Variants in NDST4 observed in about 807,000 individuals in gnomAD.
NDST4 encodes N-deacetylase and N-sulfotransferase 4.
In NDST4, 63 loss-of-function variants were observed where a neutral mutation model predicts 100.8. That is an observed-to-expected ratio of 0.62 (90% CI 0.51 to 0.77). NDST4 has a LOEUF of 0.77. Ranked by LOEUF, NDST4 falls within the 30% of genes least tolerant of loss-of-function variation. The pLI is 0.00. For missense variants in NDST4, 943 were observed against 1,018.4 expected, an observed-to-expected ratio of 0.93 and a Z score of 1.01; for synonymous variants, 377 against 361.8, an observed-to-expected ratio of 1.04 and a Z score of -0.48.
Position 114,988,538 on chromosome 4 carries a change from T to A in NDST4, c.979-11264A>T, listed in dbSNP as rs567451972. Among the ~76,000 whole-genome samples, 353 of 151,712 alleles carry A rather than the reference T, an allele frequency of 2.3e-3. 1 individual carries two copies. The highest frequency in any genetic ancestry group is 8.1e-3 in the African/African-American group (337 of 41,354). The stretch of plus-strand genomic sequence containing the variant: ...CACCACGCCTGGCTAATTTTTTGTA[T>A]TTTTAGTAGAGATGGGGTTTCACTG... On this transcript the variant is annotated intron_variant, in intron 2 of 13. Transcript: ENST00000264363.
At chr4:114,982,466 G>C (rs181196390) in intron 2 of NDST4, among the ~76,000 whole-genome samples, 14 of 152,276 alleles carry the variant, frequency 9.2e-5, no homozygotes, top group Admixed American at 6.5e-4. Context: ...TTGAACTTGA[G>C]AGAGATGATC....
chr4:115,025,803 G>T (rs1232760968), intron 2 of NDST4, among the ~76,000 whole-genome samples: 1 of 152,084 alleles, frequency 6.6e-6, no homozygotes, highest in Non-Finnish European at 1.5e-5. Flanking sequence ...GAAATACAAA[G>T]ATATATTTTT....
At chr4:114,895,643 G>A (rs1724697617) in intron 6 of NDST4, among the ~76,000 whole-genome samples, 1 of 151,876 alleles carries the variant, frequency 6.6e-6, no homozygotes, top group African/African-American at 2.4e-5. Context: ...TTAGAAGCCA[G>A]CATCATCCTG....
chr4:114,963,588 A>G (rs1357357609), intron 4 of NDST4, among the ~76,000 whole-genome samples: 1 of 152,206 alleles, frequency 6.6e-6, no homozygotes, highest in African/African-American at 2.4e-5. Flanking sequence ...GTTAATACCA[A>G]TATCAATAAA....
chr4:115,055,109 G>T (rs778776060), intron 2 of NDST4, among the ~76,000 whole-genome samples: 8 of 152,082 alleles, frequency 5.3e-5, no homozygotes, highest in Non-Finnish European at 8.8e-5. Flanking sequence ...AACTGTATAT[G>T]CGAAGAATCT....
chr4:115,008,603 C>A (rs11735531), intron 2 of NDST4, among the ~76,000 whole-genome samples: 23,259 of 127,792 alleles, frequency 0.18, 6,830 homozygotes, highest in Non-Finnish European at 0.27. Flanking sequence ...AAAAACTGGA[C>A]GCATTCCCTT....
rs77438130 is a variant in NDST4 at position 114,898,154 on chromosome 4, C to T, written c.1537-27204G>A. Among the ~76,000 whole-genome samples, 1,520 of 152,152 alleles carry T rather than the reference C, an allele frequency of 1.0e-2. 19 individuals are homozygous for T. Among genetic ancestry groups the T allele is most frequent in the Middle Eastern group, 0.034 (10 of 294 alleles). Reference sequence around the variant, plus strand: ...TACCCAAGGTCATCTACGTTTTTAACCATGCTATCTTCTAGGAGTTTTATA... The same window carrying T: ...TACCCAAGGTCATCTACGTTTTTAATCATGCTATCTTCTAGGAGTTTTATA... On this transcript the variant is annotated intron_variant, in intron 6 of 13. Coordinates refer to ENST00000264363, the MANE Select transcript of NDST4 (RefSeq NM_022569.3).
chr4:115,079,962 T>G (rs1430705608), intron 1 of NDST4, among the ~76,000 whole-genome samples: 1 of 152,166 alleles, frequency 6.6e-6, no homozygotes, highest in African/African-American at 2.4e-5. Flanking sequence ...TCATCAAATA[T>G]TTTAAATATT....
chr4:115,109,894 G>T (rs114651914), intron 1 of NDST4, among the ~76,000 whole-genome samples: 1,950 of 151,840 alleles, frequency 0.013, 44 homozygotes, highest in African/African-American at 0.045. Flanking sequence ...ACAATGCAAA[G>T]AAAATAAATA....
chr4:115,057,406 G>A (rs541458481), intron 2 of NDST4, among the ~76,000 whole-genome samples: 55 of 152,026 alleles, frequency 3.6e-4, no homozygotes, highest in African/African-American at 1.3e-3. Context: ...GCAGAATTCC[G>A]GGAAGGGGAA....
intron 2 of NDST4, among the ~76,000 whole-genome samples, chr4:114,992,702 A>T (rs563642341): frequency 2.0e-5 from 3 of 152,012 alleles, no homozygotes; most frequent in African/African-American, 7.2e-5. Flanking sequence ...TCAAAAGGTC[A>T]TTATATGGTA....
chr4:114,882,908 A>G (rs1184824785), intron 6 of NDST4, among the ~76,000 whole-genome samples: 1 of 152,088 alleles, frequency 6.6e-6, no homozygotes, highest in Non-Finnish European at 1.5e-5. Context: ...AATTTTTCAT[A>G]TGAAACCATG....
chr4:115,058,512 T>C (rs557358944), intron 2 of NDST4, among the ~76,000 whole-genome samples: 39 of 152,302 alleles, frequency 2.6e-4, no homozygotes, highest in African/African-American at 7.7e-4. Flanking sequence ...TGTTTTCCAA[T>C]ATGTAAACAA....
At chr4:115,104,572 C>T (rs1729799811) in intron 1 of NDST4, among the ~76,000 whole-genome samples, 1 of 152,068 alleles carries the variant, frequency 6.6e-6, no homozygotes, top group Admixed American at 6.6e-5. Context: ...TAGAGGAAAA[C>T]TATTTGGCCC....
At chr4:114,934,426 C>T (rs575089932) in intron 6 of NDST4, among the ~76,000 whole-genome samples, 1 of 151,886 alleles carries the variant, frequency 6.6e-6, no homozygotes, top group South Asian at 2.1e-4. Flanking sequence ...TGGTGGCAGG[C>T]GCCTGTAGTC....
rs907433470 is a variant in NDST4, at chr4:114,957,390, T to A, written c.1221+13040A>T. Among the ~76,000 whole-genome samples, 4 of 152,228 alleles carry A rather than the reference T, an allele frequency of 2.6e-5. No homozygotes were observed. The South Asian group carries it at 8.3e-4, about 32-fold the overall frequency. On this transcript the variant is annotated intron_variant, in intron 4 of 13. Transcript: ENST00000264363. ...TATTAAATCATCAGATCTCATGAGATTATTCACTATCAAAAGAATAGTATG... is the reference window on the plus strand; with the variant it reads ...TATTAAATCATCAGATCTCATGAGAATATTCACTATCAAAAGAATAGTATG...
intron 4 of NDST4, among the ~76,000 whole-genome samples, chr4:114,949,175 A>G (rs901399491): frequency 6.6e-6 from 1 of 151,992 alleles, no homozygotes; most frequent in African/African-American, 2.4e-5. Context: ...CAAAACTGTT[A>G]TCTAATAATT....
At chr4:114,903,347 A>G (rs1156964181) in intron 6 of NDST4, among the ~76,000 whole-genome samples, 18 of 152,078 alleles carry the variant, frequency 1.2e-4, no homozygotes, top group African/African-American at 4.3e-4. Flanking sequence ...ATTTTTCTCC[A>G]GTATTCACTG....
intron 11 of NDST4, among the ~76,000 whole-genome samples, chr4:114,833,959 A>G (rs994377470): frequency 5.1e-4 from 77 of 152,312 alleles, no homozygotes; most frequent in African/African-American, 1.8e-3. Context: ...CTTTTTGTAA[A>G]TCAGAAGTAA....
Sources: gnomAD v4.1 joint callset for allele counts (sites outside exome capture counted in the v4.1 genomes callset) on GRCh38, gnomAD v4.1.1 for gene constraint, MANE v1.5 for transcripts, NCBI Gene and HGNC (gene_info 2026-07-23, HGNC 2026-07-21) for gene names.